OCA2: variants seen among roughly 807,000 people sequenced by gnomAD.
OCA2 encodes the protein OCA2 melanosomal transmembrane protein.
OCA2 carries 77 observed loss-of-function variants against 100.2 expected under a neutral mutation model. That is an observed-to-expected ratio of 0.77 (90% CI 0.64 to 0.93). The LOEUF (loss-of-function observed/expected upper bound fraction) is 0.93. Ranked by LOEUF, OCA2 falls within the 40% of genes least tolerant of loss-of-function variation. The probability of loss-of-function intolerance (pLI) is 0.00; values close to 1 mark genes in which losing one functional copy is unlikely to be tolerated. For missense variants in OCA2, 1,062 were observed against 1,089.1 expected, an observed-to-expected ratio of 0.98 and a Z score of 0.35; for synonymous variants, 432 against 439.2, an observed-to-expected ratio of 0.98 and a Z score of 0.21.
chr15:27,993,017 G>A (rs920521816), intron 9 of OCA2, among the ~76,000 whole-genome samples: 3 of 152,090 alleles, frequency 2.0e-5, no homozygotes, highest in South Asian at 2.1e-4. Flanking sequence ...CCAGTGACTC[G>A]GGAGTCTGAG....
intron 2 of OCA2, among the ~76,000 whole-genome samples, chr15:28,058,063 AC>A (rs1223293357): frequency 6.6e-6 from 1 of 152,144 alleles, no homozygotes; most frequent in Non-Finnish European, 1.5e-5. Flanking sequence ...GTGCCCTGGT[AC>A]CCTGAAGGGC....
At chr15:28,001,107 C>T (rs1049101529) in intron 9 of OCA2, among the ~76,000 whole-genome samples, 8 of 152,140 alleles carry the variant, frequency 5.3e-5, no homozygotes, top group African/African-American at 1.9e-4. Context: ...ACTTCTGGGT[C>T]TATATCCAAA....
rs55709252 is a variant in OCA2, at chr15:27,849,159, A to G, written c.2338+2223T>C. ...CCTGGGTTGGTGTGAACACAGCCACATGCTGCCTGGATTGGTGTGAACACA... is the reference window on the plus strand; with the variant it reads ...CCTGGGTTGGTGTGAACACAGCCACGTGCTGCCTGGATTGGTGTGAACACA... On this transcript the variant is annotated intron_variant, in intron 22 of 23. Coordinates refer to ENST00000354638, the MANE Select transcript of OCA2 (RefSeq NM_000275.3). Among the ~76,000 whole-genome samples, 648 of 65,144 alleles carry G rather than the reference A, an allele frequency of 9.9e-3. 41 individuals are homozygous for G. The highest frequency in any genetic ancestry group is 0.03 in the African/African-American group (466 of 15,454). The allele number at this position is 65,144 out of a possible 152,430, so 42.7% of individuals were successfully genotyped here.
At chr15:27,787,597 C>T (rs755527483) in intron 23 of OCA2, among the ~76,000 whole-genome samples, 2 of 151,934 alleles carry the variant, frequency 1.3e-5, no homozygotes, top group African/African-American at 2.4e-5. Context: ...AATGTCTCAT[C>T]TTTCATTTCT....
chr15:28,045,011 C>T (rs1256497625), intron 2 of OCA2, among the ~76,000 whole-genome samples: 1 of 151,956 alleles, frequency 6.6e-6, no homozygotes, highest in African/African-American at 2.4e-5. Flanking sequence ...ACCTTTTAAT[C>T]GAGATAATAA....
chr15:27,820,311 G>T (rs1000681276), intron 23 of OCA2, among the ~76,000 whole-genome samples: 5 of 152,188 alleles, frequency 3.3e-5, no homozygotes, highest in South Asian at 4.1e-4. Flanking sequence ...GAAGTGGGGA[G>T]AGGAACTCTG....
chr15:28,022,207 G>A (rs1034045215), intron 6 of OCA2, among the ~76,000 whole-genome samples: 1 of 152,196 alleles, frequency 6.6e-6, no homozygotes, highest in Non-Finnish European at 1.5e-5. Flanking sequence ...AAGAGACGGG[G>A]GAGGAAAGGA....
chr15:27,898,644 T>C (rs915643616), intron 19 of OCA2, among the ~76,000 whole-genome samples: 8 of 152,196 alleles, frequency 5.3e-5, no homozygotes, highest in African/African-American at 1.9e-4. Context: ...AAAGGTTGAA[T>C]TATGGATCAT....
At chr15:27,761,176 C>A (rs2030801435) in intron 23 of OCA2, among the ~76,000 whole-genome samples, 1 of 151,322 alleles carries the variant, frequency 6.6e-6, no homozygotes, top group Non-Finnish European at 1.5e-5. Flanking sequence ...TTAAAAAATC[C>A]TAAGAAATTG....
At position 28,056,077 on chromosome 15, in the gene OCA2, C is replaced by A. The variant is rs539721252; in HGVS notation, c.228-23914G>T. Among the ~76,000 whole-genome samples, 179 of 152,154 alleles carry A rather than the reference C, an allele frequency of 1.2e-3. 1 individual carries two copies. The highest frequency in any genetic ancestry group is 1.9e-3 in the Non-Finnish European group (129 of 67,972). On this transcript the variant is annotated intron_variant, in intron 2 of 23. Transcript: ENST00000354638. ...CCCTGCACTCCAGGGGCCCCTGGAG[C>A]CTCGTGGCCCTGGGCTCTGGCCACC...
At chr15:27,934,437 T>C (rs966418003) in intron 18 of OCA2, among the ~76,000 whole-genome samples, 1 of 152,350 alleles carries the variant, frequency 6.6e-6, no homozygotes, top group Non-Finnish European at 1.5e-5. Flanking sequence ...TCACATCTGA[T>C]GGTGATTCCT....
At position 28,057,960 on chromosome 15, in the gene OCA2, G is replaced by A. The variant is rs577335574; in HGVS notation, c.227+23688C>T. Among the ~76,000 whole-genome samples the A allele has an allele frequency of 1.1e-3, 163 of 152,308 alleles. 1 individual carries two copies. The highest frequency in any genetic ancestry group is 3.9e-3 in the South Asian group (19 of 4,830). On this transcript the variant is annotated intron_variant, in intron 2 of 23. Transcript: ENST00000354638. ...GATCGTAAACAGCCTCACACACCGG[G>A]AGGCAGCCTGCCTGGTCCTGGCACA...
At chr15:28,071,230 C>T (rs370647424) in intron 2 of OCA2, among the ~76,000 whole-genome samples, 1 of 150,610 alleles carries the variant, frequency 6.6e-6, no homozygotes, top group African/African-American at 2.4e-5. Context: ...TGAAAGATTT[C>T]TATAAGCACT....
At chr15:27,846,073 C>T (rs1047243307) in intron 22 of OCA2, among the ~76,000 whole-genome samples, 2 of 152,090 alleles carry the variant, frequency 1.3e-5, no homozygotes, top group Non-Finnish European at 2.9e-5. Flanking sequence ...AGAGGTGGGG[C>T]TCAGGCTGCC....
intron 2 of OCA2, among the ~76,000 whole-genome samples, chr15:28,033,741 G>C (rs1032891630): frequency 6.6e-6 from 1 of 152,180 alleles, no homozygotes; most frequent in African/African-American, 2.4e-5. Flanking sequence ...CTCTGCCCAA[G>C]AGATTTAATA....
intron 21 of OCA2, among the ~76,000 whole-genome samples, chr15:27,863,183 G>A (rs2036200457): frequency 6.6e-6 from 1 of 152,158 alleles, no homozygotes; most frequent in South Asian, 2.1e-4. Flanking sequence ...GCAGCGGTGG[G>A]AGGAGGGCAG....
At chr15:28,002,423 T>C (rs2041956160) in intron 9 of OCA2, among the ~76,000 whole-genome samples, 1 of 152,128 alleles carries the variant, frequency 6.6e-6, no homozygotes, top group African/African-American at 2.4e-5. Context: ...GTGAGTGCCC[T>C]ACCTCACTGT....
At chr15:28,015,412 C>T (rs1169788891) in intron 8 of OCA2, among the ~76,000 whole-genome samples, 1 of 152,204 alleles carries the variant, frequency 6.6e-6, no homozygotes, top group Non-Finnish European at 1.5e-5. Flanking sequence ...ATTATGTCCC[C>T]TTCCTCCAAA....
At chr15:28,067,178 T>C (rs1272607382) in intron 2 of OCA2, among the ~76,000 whole-genome samples, 1 of 152,218 alleles carries the variant, frequency 6.6e-6, no homozygotes, top group Non-Finnish European at 1.5e-5. Context: ...AATAATATTA[T>C]TAAGGTGTCA....
Sources: gnomAD v4.1 joint callset for allele counts (sites outside exome capture counted in the v4.1 genomes callset) on GRCh38, gnomAD v4.1.1 for gene constraint, MANE v1.5 for transcripts, NCBI Gene and HGNC (gene_info 2026-07-23, HGNC 2026-07-21) for gene names.